NEDD4L: variants seen among roughly 807,000 people sequenced by gnomAD.
NEDD4L encodes NEDD4 like E3 ubiquitin protein ligase.
Under a neutral mutation model 148.9 loss-of-function variants are expected in NEDD4L, and 54 were observed. The ratio of observed to expected loss-of-function variants is 0.36; its 90% CI spans 0.29 to 0.45. The LOEUF (loss-of-function observed/expected upper bound fraction) is 0.45. Among genes scored for constraint, NEDD4L ranks in the 20% least tolerant of loss-of-function variants. The pLI, the probability that NEDD4L is intolerant of heterozygous loss-of-function variation, is 1.00. For synonymous variants in NEDD4L, 433 were observed against 440.7 expected (o/e 0.98, Z 0.22); for missense variants, 856 against 1,233.8 (o/e 0.69, Z 4.59).
intron 1 of NEDD4L, among the ~76,000 whole-genome samples, chr18:58,068,826 T>A (rs2082733332): frequency 6.6e-6 from 1 of 152,178 alleles, no homozygotes; most frequent in Non-Finnish European, 1.5e-5. Flanking sequence ...TCCAGGTCCT[T>A]CATGCTCCTT....
chr18:58,400,784 C>T lies in NEDD4L; in HGVS notation c.*4515C>T, dbSNP rs1441821055. On this transcript the variant is annotated 3_prime_UTR_variant, in exon 31 of 31. Transcript: ENST00000400345. ...AACTCTGTGTCTGCAGATATGTGTT[C>T]CCGTGTAAGCCAGTTTTCCCCTTTT... 5 of 152,186 alleles carry T rather than the reference C, an allele frequency of 3.3e-5. No individual in the cohort carries two copies. The highest frequency in any genetic ancestry group is 7.3e-5 in the Non-Finnish European group (5 of 68,028). The allele number at this position is 152,186 out of a possible 1,614,324, so 9.4% of individuals were successfully genotyped here.
At chr18:58,395,838 C>T (rs549666360) in intron 30 of NEDD4L, among the ~76,000 whole-genome samples, 87 of 152,242 alleles carry the variant, frequency 5.7e-4, no homozygotes, top group Non-Finnish European at 8.4e-4. Flanking sequence ...AGTCTTAATT[C>T]GTGGGTAACT....
intron 1 of NEDD4L, among the ~76,000 whole-genome samples, chr18:58,127,701 C>T (rs993079905): frequency 2.0e-5 from 3 of 151,866 alleles, no homozygotes; most frequent in African/African-American, 7.3e-5. Flanking sequence ...ATTAGCTGGG[C>T]GTGGTGGCAG....
intron 5 of NEDD4L, among the ~76,000 whole-genome samples, chr18:58,293,871 T>C (rs1035408969): frequency 1.3e-5 from 2 of 152,048 alleles, no homozygotes; most frequent in African/African-American, 4.8e-5. Context: ...CACAGGCACA[T>C]GCCACCATGC....
At chr18:58,139,987 T>G (rs1222853239) in intron 1 of NEDD4L, among the ~76,000 whole-genome samples, 2 of 152,192 alleles carry the variant, frequency 1.3e-5, no homozygotes, top group Admixed American at 1.3e-4. Context: ...GCATTGCTGA[T>G]GGACATTGGT....
At chr18:58,308,968 C>T (rs981307941) in intron 5 of NEDD4L, among the ~76,000 whole-genome samples, 8 of 152,254 alleles carry the variant, frequency 5.3e-5, no homozygotes, top group Non-Finnish European at 7.3e-5. Flanking sequence ...GCTGCACCCT[C>T]GTGGTGCTCA....
chr18:58,219,649 C>T (rs777170579), intron 2 of NEDD4L, among the ~76,000 whole-genome samples: 2 of 152,078 alleles, frequency 1.3e-5, no homozygotes, highest in Non-Finnish European at 2.9e-5. Context: ...GTCCTAATCT[C>T]CTGTTCGTAT....
At chr18:58,155,071 C>G (rs2035297893) in intron 1 of NEDD4L, among the ~76,000 whole-genome samples, 1 of 152,122 alleles carries the variant, frequency 6.6e-6, no homozygotes, top group Non-Finnish European at 1.5e-5. Flanking sequence ...TTTTAGAAAT[C>G]TAGTCCATGG....
chr18:58,276,633 T>G (rs996045245), intron 5 of NEDD4L, among the ~76,000 whole-genome samples: 2 of 151,546 alleles, frequency 1.3e-5, no homozygotes, highest in African/African-American at 4.8e-5. Context: ...GAGGGTAACT[T>G]TAAGATCTTT....
At position 58,322,498 on chromosome 18, in the gene NEDD4L, G is replaced by A. The variant is rs771317906; in HGVS notation, c.410+12G>A. 2.1e-6 allele frequency: 3 copies of A among 1,462,992 alleles called. No individual in the cohort carries two copies. The highest frequency in any genetic ancestry group is 2.9e-6 in the Non-Finnish European group (3 of 1,044,410). 90.6% of individuals were successfully genotyped at this position (1,462,992 alleles called of 1,614,324 possible). A position where few individuals can be genotyped will look rare whatever the true frequency, so the allele number is the denominator to read the frequency against. ...CTCAGACCAAGAAGGTGAGGCTTGT[G>A]GGTATGGGTGGGTGGGGATGCCTGC... On this transcript the variant is annotated intron_variant, in intron 7 of 30. Transcript: ENST00000400345.
intron 13 of NEDD4L, among the ~76,000 whole-genome samples, chr18:58,340,204 A>T (rs2042252152): frequency 6.6e-6 from 1 of 152,082 alleles, no homozygotes; most frequent in Non-Finnish European, 1.5e-5. Context: ...TCCATACATC[A>T]TCAACACATC....
At chr18:58,384,307 C>T (rs193179054) in intron 25 of NEDD4L, among the ~76,000 whole-genome samples, 55 of 152,304 alleles carry the variant, frequency 3.6e-4, no homozygotes, top group African/African-American at 1.2e-3. Context: ...TATTACATGG[C>T]GGACTCTTTT....
intron 1 of NEDD4L, among the ~76,000 whole-genome samples, chr18:58,107,934 G>A (rs1445010436): frequency 6.6e-6 from 1 of 151,958 alleles, no homozygotes; most frequent in Non-Finnish European, 1.5e-5. Context: ...TGCTTCTGCT[G>A]GTCGTGAACT....
At chr18:58,257,596 G>C (rs759563249) in intron 5 of NEDD4L, among the ~76,000 whole-genome samples, 5 of 152,142 alleles carry the variant, frequency 3.3e-5, no homozygotes, top group Non-Finnish European at 5.9e-5. Context: ...CCTGTCTCCA[G>C]CTGTGGAGAA....
intron 6 of NEDD4L, 103 bp downstream of exon 6, chr18:58,316,135 A>C (rs2058235807): frequency 9.5e-6 from 9 of 950,554 alleles, no homozygotes; most frequent in South Asian, 8.8e-5. Flanking sequence ...CACGGTGAAG[A>C]AGGCTGAAAT....
At chr18:58,150,383 C>T (rs1290356394) in intron 1 of NEDD4L, among the ~76,000 whole-genome samples, 1 of 152,200 alleles carries the variant, frequency 6.6e-6, no homozygotes, top group Non-Finnish European at 1.5e-5. Flanking sequence ...TACAGGCATG[C>T]GCCACCACAC....
At chr18:58,377,798 CAGTG>C (rs1370136259) in intron 24 of NEDD4L, among the ~76,000 whole-genome samples, 1 of 152,174 alleles carries the variant, frequency 6.6e-6, no homozygotes, top group Non-Finnish European at 1.5e-5. Context: ...GGCTGGAGTG[CAGTG>C]GCAGAATATC....
intron 1 of NEDD4L, among the ~76,000 whole-genome samples, chr18:58,112,360 CTTTATTTATTTATTTATTTATTTA>C (rs199799632): frequency 1.4e-4 from 20 of 143,644 alleles, no homozygotes; most frequent in Admixed American, 5.6e-4. Flanking sequence ...TCCTATTTGT[CTTTATTTATTTATTTATTTATTTA>C]TTTATTTATT....
In NEDD4L at chr18:58,060,962, G is replaced by A. The variant is rs149701870; in HGVS notation, c.48+16254G>A. Among the ~76,000 whole-genome samples the A allele has an allele frequency of 3.5e-3, 535 of 152,264 alleles. 6 individuals are homozygous for A. Among genetic ancestry groups the A allele is most frequent in the African/African-American group, 0.012 (510 of 41,560 alleles). ...TTTAGTAGAAATGGGGTTTCACCAT[G>A]TTGGTCAGGCTGGTCTCAAACTCCT... On this transcript the variant is annotated intron_variant, in intron 1 of 30. Coordinates refer to ENST00000400345, the MANE Select transcript of NEDD4L (RefSeq NM_001144967.3).
Sources: gnomAD v4.1 joint callset for allele counts (sites outside exome capture counted in the v4.1 genomes callset) on GRCh38, gnomAD v4.1.1 for gene constraint, MANE v1.5 for transcripts, NCBI Gene and HGNC (gene_info 2026-07-23, HGNC 2026-07-21) for gene names.